The following SLC20A2 variants were observed in gnomAD, a reference collection of about 807,000 sequenced individuals.
The protein encoded by SLC20A2 is sodium-dependent phosphate transporter 2.
In SLC20A2, 30 loss-of-function variants were observed where a neutral mutation model predicts 61.0. The observed-to-expected ratio is 0.49, with a 90% CI of 0.37 to 0.67. The LOEUF (loss-of-function observed/expected upper bound fraction) is 0.67, where lower values mean the gene tolerates loss of function less well. SLC20A2 is among the 30% of genes least tolerant of loss of function. The pLI, the probability that SLC20A2 is intolerant of heterozygous loss-of-function variation, is 0.00. For synonymous variants in SLC20A2, 351 were observed against 353.3 expected, an observed-to-expected ratio of 0.99 and a Z score of 0.07; for missense variants, 626 against 866.4, an observed-to-expected ratio of 0.72 and a Z score of 3.48.
At chr8:42,443,408 C>T (rs547541337) in intron 6 of SLC20A2, among the ~76,000 whole-genome samples, 11 of 150,452 alleles carry the variant, frequency 7.3e-5, no homozygotes, top group East Asian at 3.9e-4. Context: ...TCTGCCCCCC[C>T]GGGTTCAAGC....
chr8:42,525,598 A>G (rs921592505), intron 1 of SLC20A2, among the ~76,000 whole-genome samples: 7 of 151,674 alleles, frequency 4.6e-5, no homozygotes, highest in African/African-American at 1.5e-4. Context: ...AAAAAAAAAA[A>G]AAAAAAAGAA....
rs767183530 is a variant in SLC20A2, at chr8:42,430,216, C to T, written c.1557G>A (p.Leu519=). Residue 519 remains leucine (L), a synonymous_variant, in exon 9 of 11, where the codon CTG becomes CTA. Coordinates refer to ENST00000520262, the MANE Select transcript of SLC20A2 (RefSeq NM_001257180.2). ...GCGTTACCCCGCCTTGTTTGTAAAT[C>T]AGCCACAAGGCTACCAGGGGACCGA... ...NAIGPLVALW[L]IYKQGGVTQE... is the part of the protein sequence containing the mutation. The T allele has an allele frequency of 4.3e-6, 7 of 1,613,684 alleles. 1 individual carries two copies. In the South Asian group the frequency reaches 7.7e-5, roughly 18 times the overall value.
intron 5 of SLC20A2, among the ~76,000 whole-genome samples, chr8:42,459,039 G>A (rs1806467284): frequency 2.0e-5 from 3 of 147,318 alleles, no homozygotes; most frequent in African/African-American, 7.6e-5. Context: ...TTGGGAGGTC[G>A]AGGCAGGCGG....
chr8:42,455,239 A>ATATATATAT (rs1406971999), intron 5 of SLC20A2, among the ~76,000 whole-genome samples: 1 of 97,306 alleles, frequency 1.0e-5, no homozygotes, highest in South Asian at 3.0e-4. Context: ...AAAAAAAAAA[A>ATATATATAT]AAATATATAT....
At chr8:42,480,123 C>T (rs1808447121) in intron 1 of SLC20A2, among the ~76,000 whole-genome samples, 1 of 152,170 alleles carries the variant, frequency 6.6e-6, no homozygotes, top group African/African-American at 2.4e-5. Context: ...TAGGTAGCCA[C>T]TACAATGATG....
At chr8:42,452,038 A>G in intron 5 of SLC20A2, among the ~76,000 whole-genome samples, 1 of 87,864 alleles carries the variant, frequency 1.1e-5, no homozygotes, top group South Asian at 3.8e-4. Context: ...AAGAGGAGGA[A>G]GAGAGGGGGA....
chr8:42,514,417 C>CT (rs71548587), intron 1 of SLC20A2, among the ~76,000 whole-genome samples: 1 of 152,062 alleles, frequency 6.6e-6, no homozygotes, highest in East Asian at 1.9e-4. Flanking sequence ...AATTATTAGC[C>CT]TTTTTTGGGT....
Position 42,444,736 on chromosome 8 carries a change from C to T in SLC20A2, c.640G>A (p.Ala214Thr), listed in dbSNP as rs532843851. 5.0e-6 allele frequency: 8 copies of T among 1,613,846 alleles called. No individual in the cohort carries two copies. In the South Asian group the frequency reaches 5.5e-5, roughly 11 times the overall value. ...PVLGLVLPMW[A>T]IALISFGVAL... ...ACACCAAAGGAAATGAGGGCTATGG[C>T]CCACATGGGGAGAACAAGGCCGAGC... Residue 214 changes from alanine to threonine, a missense_variant, in exon 6 of 11, where the codon GCC becomes ACC. This residue lies in a region of SLC20A2 where 361 missense variants were observed against 422.3 expected (regional missense o/e 0.85). Transcript: ENST00000520262.
chr8:42,477,833 G>A (rs1808243011), intron 1 of SLC20A2, among the ~76,000 whole-genome samples: 1 of 151,784 alleles, frequency 6.6e-6, no homozygotes, highest in Admixed American at 6.6e-5. Flanking sequence ...ACACTAAAAG[G>A]GCGCTAAGAA....
chr8:42,516,503 T>C (rs1377007629), intron 1 of SLC20A2, among the ~76,000 whole-genome samples: 1 of 152,160 alleles, frequency 6.6e-6, no homozygotes, highest in Non-Finnish European at 1.5e-5. Flanking sequence ...GGGCAGCGCA[T>C]CCTATTGCTG....
intron 1 of SLC20A2, among the ~76,000 whole-genome samples, chr8:42,476,166 G>A (rs374641603): frequency 3.4e-5 from 5 of 144,936 alleles, no homozygotes; most frequent in African/African-American, 1.0e-4. Context: ...GCGCGATCTC[G>A]GCTCACTGCA....
intron 1 of SLC20A2, among the ~76,000 whole-genome samples, chr8:42,509,584 T>A (rs1210853839): frequency 2.6e-5 from 4 of 151,630 alleles, no homozygotes; most frequent in Admixed American, 6.6e-5. Context: ...AAAAAAAAAA[T>A]TAAAAATTAA....
chr8:42,465,040 A>G (rs112761309), intron 3 of SLC20A2, among the ~76,000 whole-genome samples: 10,276 of 152,052 alleles, frequency 0.068, 1,117 homozygotes, highest in African/African-American at 0.23. Context: ...ATTTTAAGGG[A>G]AAATATATTA....
In SLC20A2 at chr8:42,526,872, G is replaced by A. The variant is rs376165418; in HGVS notation, c.-265+14949C>T. Among the ~76,000 whole-genome samples the A allele has an allele frequency of 7.2e-5, 11 of 152,100 alleles. 1 individual carries two copies. Among genetic ancestry groups the A allele is most frequent in the African/African-American group, 2.7e-4 (11 of 41,506 alleles). ...TAGTCTCAGCACTTTGAGGGGTCAC[G>A]GTGGGTGGATCACTTAAGTCCAGGA... On this transcript the variant is annotated intron_variant, in intron 1 of 10. Transcript: ENST00000342228.
intron 1 of SLC20A2, among the ~76,000 whole-genome samples, chr8:42,486,484 G>A (rs1477348425): frequency 1.3e-5 from 2 of 152,120 alleles, no homozygotes; most frequent in Non-Finnish European, 2.9e-5. Flanking sequence ...GGTGTGAGCT[G>A]CCACGTCTGC....
intron 1 of SLC20A2, among the ~76,000 whole-genome samples, chr8:42,514,913 T>C (rs1168171413): frequency 1.3e-5 from 2 of 151,928 alleles, no homozygotes; most frequent in African/African-American, 4.8e-5. Flanking sequence ...AAGAGAGACT[T>C]TGGAGGTAGA....
intron 1 of SLC20A2, among the ~76,000 whole-genome samples, chr8:42,531,888 A>G (rs1812349770): frequency 6.7e-6 from 1 of 149,384 alleles, no homozygotes; most frequent in South Asian, 2.1e-4. Context: ...GCGCGATCTC[A>G]GCTCACTGCA....
chr8:42,498,962 GGC>G, intron 1 of SLC20A2, among the ~76,000 whole-genome samples: 1 of 152,216 alleles, frequency 6.6e-6, no homozygotes, highest in African/African-American at 2.4e-5. Flanking sequence ...CTGAGCAGAA[GGC>G]TATCCCTCTA....
chr8:42,417,104 C>A lies in SLC20A2; in HGVS notation c.*699G>T, dbSNP rs549600255. The A allele has an allele frequency of 6.5e-6, 1 of 152,758 alleles. No individual in the cohort carries two copies. The highest frequency in any genetic ancestry group is 1.5e-5 in the Non-Finnish European group (1 of 68,114). 9.5% of individuals were successfully genotyped at this position (152,758 alleles called of 1,614,324 possible). A position where few individuals can be genotyped will look rare whatever the true frequency, so the allele number is the denominator to read the frequency against. On this transcript the variant is annotated 3_prime_UTR_variant, in exon 11 of 11. Coordinates refer to ENST00000520262, the MANE Select transcript of SLC20A2 (RefSeq NM_001257180.2). ...ACACTGGCCAATGATTCCCCTGCTT[C>A]TTTGGTACTTTCCAAAATTCTCTGA...
Sources: gnomAD v4.1 joint callset for allele counts (sites outside exome capture counted in the v4.1 genomes callset) on GRCh38, gnomAD v4.1.1 for gene constraint, gnomAD v4.1.1 regional missense constraint, MANE v1.5 for transcripts, NCBI Gene and HGNC (gene_info 2026-07-23, HGNC 2026-07-21) for gene names.